Variants in RTTN observed in about 807,000 individuals in gnomAD.
RTTN encodes the protein rotatin.
RTTN carries 182 observed loss-of-function variants against 269.2 expected under a neutral mutation model. The ratio of observed to expected loss-of-function variants is 0.68; its 90% confidence interval spans 0.60 to 0.76. The LOEUF is 0.76. Ranked by LOEUF, RTTN falls within the 30% of genes least tolerant of loss-of-function variation. RTTN has a pLI of 0.00. For missense variants in RTTN, 2,545 were observed against 2,608.6 expected, an observed-to-expected ratio of 0.98 and a Z score of 0.53; for synonymous variants, 1,006 against 963.5, an observed-to-expected ratio of 1.04 and a Z score of -0.82.
intron 43 of RTTN, among the ~76,000 whole-genome samples, 192 bp from the exon 44 acceptor site, chr18:70,025,040 G>A (rs777432950): frequency 1.3e-5 from 2 of 152,208 alleles, no homozygotes; most frequent in Non-Finnish European, 2.9e-5. Context: ...ATCTCAGGAC[G>A]TCGCTTCAAC....
At chr18:70,152,748 C>G (rs2060571344) in intron 14 of RTTN, among the ~76,000 whole-genome samples, 1 of 152,086 alleles carries the variant, frequency 6.6e-6, no homozygotes, top group Non-Finnish European at 1.5e-5. Flanking sequence ...AATTCATTTC[C>G]TTCTCTTCAT....
chr18:70,175,502 T>A (rs550381662), intron 11 of RTTN, among the ~76,000 whole-genome samples: 1 of 152,176 alleles, frequency 6.6e-6, no homozygotes, highest in Admixed American at 6.5e-5. Flanking sequence ...CAAATAAAAA[T>A]CAGGATATTT....
chr18:70,162,095 C>A (rs899569250), intron 14 of RTTN, among the ~76,000 whole-genome samples: 3 of 152,094 alleles, frequency 2.0e-5, no homozygotes, highest in Non-Finnish European at 4.4e-5. Flanking sequence ...ATAGCAAAGA[C>A]ATGGGATCAA....
intron 35 of RTTN, among the ~76,000 whole-genome samples, chr18:70,060,680 T>C (rs1295592340): frequency 2.6e-5 from 4 of 152,182 alleles, no homozygotes; most frequent in African/African-American, 9.6e-5. Context: ...AGTTACCCTG[T>C]TGTGCTACTG....
chr18:70,007,668 C>T (rs919616133), intron 46 of RTTN: 2 of 152,300 alleles, frequency 1.3e-5, no homozygotes, highest in African/African-American at 4.8e-5. Context: ...GAGCCCACCA[C>T]AGCTCAGCAA....
At chr18:70,080,635 G>A (rs1447002018) in intron 32 of RTTN, among the ~76,000 whole-genome samples, 1 of 152,052 alleles carries the variant, frequency 6.6e-6, no homozygotes, top group East Asian at 1.9e-4. Context: ...AAGAAATGAT[G>A]GAGTTAGGAA....
chr18:70,146,001 A>C (rs1468172328), intron 17 of RTTN, among the ~76,000 whole-genome samples: 6 of 152,216 alleles, frequency 3.9e-5, no homozygotes, highest in African/African-American at 1.4e-4. Context: ...AACATCAGAA[A>C]CAAAAAATAA....
At chr18:70,139,178 G>A (rs1469086429) in intron 21 of RTTN, among the ~76,000 whole-genome samples, 2 of 152,160 alleles carry the variant, frequency 1.3e-5, no homozygotes, top group African/African-American at 2.4e-5. Context: ...CACAGGTTGA[G>A]CCTATACTCT....
chr18:70,197,464 C>A (rs988755928), intron 6 of RTTN, among the ~76,000 whole-genome samples, 160 bp downstream of exon 6: 9 of 152,194 alleles, frequency 5.9e-5, no homozygotes, highest in Non-Finnish European at 1.3e-4. Context: ...CTATAACTAT[C>A]CACCCAAGTT....
At chr18:70,047,639 TA>T (rs2057528195) in intron 40 of RTTN, among the ~76,000 whole-genome samples, 1 of 152,228 alleles carries the variant, frequency 6.6e-6, no homozygotes, top group African/African-American at 2.4e-5. Flanking sequence ...AAAATTACAA[TA>T]AATTTTGAAC....
At chr18:70,202,492 T>C (rs2061977932) in intron 3 of RTTN, among the ~76,000 whole-genome samples, 1 of 152,228 alleles carries the variant, frequency 6.6e-6, no homozygotes, top group South Asian at 2.1e-4. Flanking sequence ...AGTTTGTAAT[T>C]TTAAGTTTTC....
chr18:70,070,844 T>C (rs1040097658), intron 34 of RTTN, among the ~76,000 whole-genome samples: 1 of 152,238 alleles, frequency 6.6e-6, no homozygotes, highest in Non-Finnish European at 1.5e-5. Context: ...AAGTAGACTT[T>C]TGTCATTTGT....
intron 16 of RTTN, among the ~76,000 whole-genome samples, chr18:70,149,320 C>T (rs1401827943): frequency 6.6e-6 from 1 of 152,020 alleles, no homozygotes; most frequent in Non-Finnish European, 1.5e-5. Context: ...AGTGGCACCT[C>T]CCCTCGGTGA....
intron 28 of RTTN, among the ~76,000 whole-genome samples, chr18:70,100,931 T>C (rs190903110): frequency 6.6e-6 from 1 of 152,306 alleles, no homozygotes; most frequent in African/African-American, 2.4e-5. Flanking sequence ...TGAAGCCCAC[T>C]TGATCATGGT....
At chr18:70,167,099 T>A in intron 12 of RTTN, 68 bp from the exon 13 acceptor site, 1 of 992,242 alleles carries the variant, frequency 1.0e-6, no homozygotes, top group Non-Finnish European at 1.6e-6. Context: ...AACAGCTAAC[T>A]AAGCAGCTTC....
intron 8 of RTTN, among the ~76,000 whole-genome samples, chr18:70,192,550 G>A (rs1274211699): frequency 2.6e-5 from 4 of 151,888 alleles, no homozygotes; most frequent in South Asian, 2.1e-4. Flanking sequence ...GTATGGTAGT[G>A]CACATCTGTG....
intron 38 of RTTN, among the ~76,000 whole-genome samples, chr18:70,052,654 A>ATATATATATC (rs1183180819): frequency 1.3e-5 from 2 of 148,938 alleles, no homozygotes; most frequent in Non-Finnish European, 1.5e-5. Context: ...ATATATATAT[A>ATATATATATC]TCATCACAAT....
At chr18:70,013,979 A>G (rs2056469382) in intron 46 of RTTN, among the ~76,000 whole-genome samples, 1 of 152,132 alleles carries the variant, frequency 6.6e-6, no homozygotes, top group Non-Finnish European at 1.5e-5. Flanking sequence ...TTTCTAATCT[A>G]TCTTCTAATT....
At chr18:70,092,883 A>G in intron 28 of RTTN, 79 bp from the exon 29 acceptor site, 1 of 1,263,170 alleles carries the variant, frequency 7.9e-7, no homozygotes, top group South Asian at 1.9e-5. Context: ...CTGTCTACTG[A>G]CTTGTATGAA....
Sources: allele counts gnomAD v4.1 joint callset (sites outside exome capture counted in the v4.1 genomes callset), GRCh38; gene constraint gnomAD v4.1.1; transcripts MANE v1.5; gene names NCBI Gene and HGNC (gene_info 2026-07-23, HGNC 2026-07-21).